Variants in CYP2C19 observed in about 807,000 individuals in gnomAD.
CYP2C19 encodes the protein cytochrome P450 2C19.
In CYP2C19, 59 loss-of-function variants were observed where a neutral mutation model predicts 40.9. The ratio of observed to expected loss-of-function variants is 1.44; its 90% CI spans 1.17 to 1.79. The LOEUF (loss-of-function observed/expected upper bound fraction) is 1.79, where lower values mean the gene tolerates loss of function less well. Among genes scored for constraint, CYP2C19 ranks in the 40% most tolerant of loss-of-function variants. CYP2C19 has a pLI of 0.00. For missense variants in CYP2C19, 754 were observed against 596.9 expected (o/e 1.26, Z -2.74); for synonymous variants, 253 against 208.7 (o/e 1.21, Z -1.83).
At chr10:94,850,729 T>C (rs565745921) in intron 8 of CYP2C19, among the ~76,000 whole-genome samples, 1 of 152,274 alleles carries the variant, frequency 6.6e-6, no homozygotes, top group African/African-American at 2.4e-5. Context: ...GGCAGGGCTA[T>C]TAAAGGAGAT....
At chr10:94,841,571 G>T (rs1041836673) in intron 6 of CYP2C19, among the ~76,000 whole-genome samples, 17 of 152,026 alleles carry the variant, frequency 1.1e-4, no homozygotes, top group African/African-American at 4.1e-4. Flanking sequence ...AATTCTTTAG[G>T]ATTCATCATT....
At chr10:94,785,989 A>C (rs1848535010) in intron 5 of CYP2C19, among the ~76,000 whole-genome samples, 1 of 151,950 alleles carries the variant, frequency 6.6e-6, no homozygotes, top group African/African-American at 2.4e-5. Flanking sequence ...GCCCTATATA[A>C]ATCAGACACT....
intron 5 of CYP2C19, among the ~76,000 whole-genome samples, chr10:94,783,450 A>T (rs1352012520): frequency 6.6e-6 from 1 of 152,132 alleles, no homozygotes; most frequent in East Asian, 1.9e-4. Flanking sequence ...GTAAACTAAA[A>T]TGATTTGTAC....
In CYP2C19 at chr10:94,854,420, T is replaced by A. The variant is rs1220177993; in HGVS notation, c.*1506T>A. On this transcript the variant is annotated 3_prime_UTR_variant, in exon 9 of 9. Coordinates refer to ENST00000371321, the MANE Select transcript of CYP2C19 (RefSeq NM_000769.4). Reference sequence around the variant, plus strand: ...GTGGGATGATAATTTTATGCTATTGTCCTAATATAATTAGCCTCATGTCAT... The same window carrying A: ...GTGGGATGATAATTTTATGCTATTGACCTAATATAATTAGCCTCATGTCAT... Among the ~76,000 whole-genome samples, 1 of 152,128 alleles carries A rather than the reference T, an allele frequency of 6.6e-6. No homozygotes were observed. Among genetic ancestry groups the A allele is most frequent in the African/African-American group, 2.4e-5 (1 of 41,428 alleles).
chr10:94,817,400 TC>T (rs1849023541), intron 5 of CYP2C19, among the ~76,000 whole-genome samples: 1 of 146,722 alleles, frequency 6.8e-6, no homozygotes, highest in African/African-American at 2.5e-5. Context: ...TCTGTTCATG[TC>T]CTTTGCCCAC....
chr10:94,833,711 G>T (rs558457727), intron 6 of CYP2C19, among the ~76,000 whole-genome samples: 204 of 152,270 alleles, frequency 1.3e-3, no homozygotes, highest in Admixed American at 1.8e-3. Flanking sequence ...TATCATGAAG[G>T]GATGTTGAAT....
intron 6 of CYP2C19, among the ~76,000 whole-genome samples, chr10:94,825,797 C>A (rs1252125504): frequency 7.6e-6 from 1 of 132,302 alleles, no homozygotes; most frequent in Non-Finnish European, 1.6e-5. Flanking sequence ...TTAGGTCTAA[C>A]GTTTAAGTCT....
intron 5 of CYP2C19, among the ~76,000 whole-genome samples, chr10:94,805,938 G>A (rs991209312): frequency 2.6e-5 from 4 of 152,190 alleles, no homozygotes; most frequent in Admixed American, 6.6e-5. Flanking sequence ...CACTTGCTCC[G>A]AAATTTATCT....
chr10:94,813,636 C>G (rs1049630614), intron 5 of CYP2C19, among the ~76,000 whole-genome samples: 1 of 151,972 alleles, frequency 6.6e-6, no homozygotes, highest in South Asian at 2.1e-4. Context: ...CTCAACACCC[C>G]CCCCAAGCTC....
Position 94,820,125 on chromosome 10 carries a change from G to A in CYP2C19, c.820-371G>A, listed in dbSNP as rs150149848. ...AAATGTAATCCAGCATATAAACAGAGCCAAAGACAAAAACCACATCATTAT... is the reference window on the plus strand; with the variant it reads ...AAATGTAATCCAGCATATAAACAGAACCAAAGACAAAAACCACATCATTAT... On this transcript the variant is annotated intron_variant, in intron 5 of 8. Coordinates refer to ENST00000371321, the MANE Select transcript of CYP2C19 (RefSeq NM_000769.4). Among the ~76,000 whole-genome samples the A allele has an allele frequency of 5.6e-3, 847 of 151,570 alleles. 12 individuals are homozygous for A. The highest frequency in any genetic ancestry group is 0.013 in the African/African-American group (533 of 41,130).
intron 5 of CYP2C19, among the ~76,000 whole-genome samples, chr10:94,795,720 A>T (rs1238874262): frequency 6.6e-6 from 1 of 151,992 alleles, no homozygotes; most frequent in Non-Finnish European, 1.5e-5. Flanking sequence ...ATGGTATCTC[A>T]TTGTGGTTTT....
intron 6 of CYP2C19, among the ~76,000 whole-genome samples, chr10:94,823,198 A>G (rs2134270745): frequency 6.6e-6 from 1 of 152,290 alleles, no homozygotes; most frequent in African/African-American, 2.4e-5. Context: ...AGGGTCAAAT[A>G]TGGTAGAGAA....
At chr10:94,774,944 C>T in intron 1 of CYP2C19, 114 bp from the exon 2 acceptor site, 1 of 1,088,910 alleles carries the variant, frequency 9.2e-7, no homozygotes. Flanking sequence ...AATATTTGAG[C>T]CTGTGTGACT....
intron 5 of CYP2C19, among the ~76,000 whole-genome samples, chr10:94,794,944 T>C (rs1465900733): frequency 3.3e-5 from 5 of 152,010 alleles, no homozygotes; most frequent in Admixed American, 1.3e-4. Context: ...CAACACTATG[T>C]TGAATAGGAG....
chr10:94,849,867 AC>A (rs759470543), intron 7 of CYP2C19, 49 bp from the exon 8 acceptor site: 1 of 1,608,480 alleles, frequency 6.2e-7, no homozygotes, highest in Non-Finnish European at 8.5e-7. Flanking sequence ...TGTTTCTTAA[AC>A]CTTCGTGACT....
At chr10:94,842,586 C>G (rs373198165) in intron 6 of CYP2C19, among the ~76,000 whole-genome samples, 3 of 151,734 alleles carry the variant, frequency 2.0e-5, no homozygotes, top group Non-Finnish European at 4.4e-5. Flanking sequence ...TTTCTTCCTG[C>G]CTTCCTTTAT....
intron 8 of CYP2C19, among the ~76,000 whole-genome samples, chr10:94,851,519 G>A (rs1849653779): frequency 6.6e-6 from 1 of 151,876 alleles, no homozygotes; most frequent in South Asian, 2.1e-4. Context: ...GATTCTAGGT[G>A]ACACATGCTG....
At position 94,854,107 on chromosome 10, in the gene CYP2C19, C is replaced by T. The variant is rs1849697395; in HGVS notation, c.*1193C>T. Among the ~76,000 whole-genome samples, 3 of 151,768 alleles carry T rather than the reference C, an allele frequency of 2.0e-5. No homozygotes were observed. The highest frequency in any genetic ancestry group is 7.3e-5 in the African/African-American group (3 of 41,282). ...GATCTCGGCTCACTGCAATCTCCAC[C>T]TCCTGGATTCAAGTGGTTCTCCTGC... On this transcript the variant is annotated 3_prime_UTR_variant, in exon 9 of 9. Coordinates refer to ENST00000371321, the MANE Select transcript of CYP2C19 (RefSeq NM_000769.4).
chr10:94,775,185 A>T lies in CYP2C19; in HGVS notation c.296A>T (p.His99Leu), dbSNP rs1288601658. ...GGAGAGGAGTTTTCTGGAAGAGGCC[A>T]TTTCCCACTGGCTGAAAGAGCTAAC... ...DLGEEFSGRG[H>L]FPLAERANRG... The change falls in exon 2 of 9, where the codon CAT becomes CTT. Residue 99 changes from histidine (H) to leucine (L), a missense_variant. Physicochemically the swap from His to Leu is moderately conservative, Grantham distance 99. Transcript: ENST00000371321. The T allele has an allele frequency of 1.9e-6, 3 of 1,613,952 alleles. No individual in the cohort carries two copies. The highest frequency in any genetic ancestry group is 3.3e-5 in the Admixed American group (2 of 59,994).
Sources: gnomAD v4.1 joint callset for allele counts (sites outside exome capture counted in the v4.1 genomes callset) on GRCh38, gnomAD v4.1.1 for gene constraint, MANE v1.5 for transcripts, NCBI Gene and HGNC (gene_info 2026-07-23, HGNC 2026-07-21) for gene names.